The following CNTN1 variants were observed in gnomAD, a reference collection of about 807,000 sequenced individuals.
The protein encoded by CNTN1 is contactin 1.
In CNTN1, 38 loss-of-function variants were observed where a neutral mutation model predicts 126.4. The observed-to-expected ratio is 0.30, with a 90% CI of 0.23 to 0.39. CNTN1 has a LOEUF of 0.39. CNTN1 is among the 10% of genes least tolerant of loss of function. CNTN1 has a pLI of 1.00. For synonymous variants in CNTN1, 413 were observed against 422.6 expected (o/e 0.98, Z 0.28); for missense variants, 1,009 against 1,248.4 (o/e 0.81, Z 2.89).
At chr12:40,922,171 C>G (rs1945464017) in intron 4 of CNTN1, 85 bp from the exon 5 acceptor site, 2 of 1,186,270 alleles carry the variant, frequency 1.7e-6, no homozygotes, top group South Asian at 2.5e-5. Context: ...GGAGCCGTAC[C>G]CAAATTATTT....
intron 1 of CNTN1, among the ~76,000 whole-genome samples, chr12:40,793,463 G>A (rs912378934): frequency 4.3e-4 from 18 of 42,112 alleles, no homozygotes; most frequent in Non-Finnish European, 1.0e-3. Flanking sequence ...CCTACTTGTG[G>A]GGAAAAAAAA....
intron 23 of CNTN1, among the ~76,000 whole-genome samples, chr12:41,041,332 G>A (rs898856881): frequency 2.6e-5 from 4 of 152,126 alleles, no homozygotes; most frequent in African/African-American, 7.2e-5. Flanking sequence ...TTTTATTGAG[G>A]ATTTTTGCAT....
intron 1 of CNTN1, among the ~76,000 whole-genome samples, chr12:40,854,482 A>T (rs1942827421): frequency 6.6e-6 from 1 of 152,124 alleles, no homozygotes; most frequent in South Asian, 2.1e-4. Context: ...TAAAGATGTG[A>T]ATTACCTTAA....
chr12:40,807,853 T>C (rs1229841138), intron 1 of CNTN1, among the ~76,000 whole-genome samples: 1 of 152,224 alleles, frequency 6.6e-6, no homozygotes, highest in Non-Finnish European at 1.5e-5. Flanking sequence ...CATTTTCTTT[T>C]ATCTCTTAAT....
chr12:40,929,805 G>C lies in CNTN1; in HGVS notation c.506G>C (p.Ser169Thr). 6.2e-7 allele frequency: 1 copy of C among 1,611,286 alleles called. No individual in the cohort carries two copies. The highest frequency in any genetic ancestry group is 8.5e-7 in the Non-Finnish European group (1 of 1,178,168). ...CAATATTTTCTCCTAGATGATCTTA[G>C]CTATCGCTGGCTTCTAAATGAATTT... ...DPPYHFPDDL[S>T]YRWLLNEFPV... The change falls in exon 7 of 24, where the codon AGC becomes ACC. Residue 169 changes from serine (S) to threonine (T), a missense_variant. Physicochemically the swap from Ser to Thr is moderately conservative, Grantham distance 58 (BLOSUM62 1). Transcript: ENST00000551295.
chr12:40,881,300 T>C (rs1943862029), intron 1 of CNTN1, among the ~76,000 whole-genome samples: 1 of 151,866 alleles, frequency 6.6e-6, no homozygotes, highest in African/African-American at 2.4e-5. Context: ...GGCTATAAAT[T>C]GTGTGAATTT....
chr12:40,872,212 TTGTGTGTGTGTGTGTG>T (rs61187240), intron 1 of CNTN1, among the ~76,000 whole-genome samples: 82 of 113,600 alleles, frequency 7.2e-4, no homozygotes, highest in African/African-American at 1.8e-3. Flanking sequence ...GTTGCTTTGT[TTGTGTGTGTGTGTGTG>T]TGTGTGTGTG....
intron 1 of CNTN1, among the ~76,000 whole-genome samples, chr12:40,741,535 T>A (rs1350203710): frequency 6.6e-6 from 1 of 152,110 alleles, no homozygotes; most frequent in African/African-American, 2.4e-5. Context: ...ATTACAAGGC[T>A]ATTGGTGTAT....
chr12:40,733,598 T>G (rs1258386254), intron 1 of CNTN1, among the ~76,000 whole-genome samples: 1 of 152,014 alleles, frequency 6.6e-6, no homozygotes, highest in Non-Finnish European at 1.5e-5. Context: ...TGAGGAATTC[T>G]TTATTCCCAG....
intron 1 of CNTN1, among the ~76,000 whole-genome samples, chr12:40,816,717 C>G (rs780207115): frequency 1.4e-3 from 213 of 152,000 alleles, no homozygotes; most frequent in Non-Finnish European, 2.3e-3. Context: ...GCCTCTCTAG[C>G]TCTTTTAATT....
Position 40,949,447 on chromosome 12 carries a change from C to A in CNTN1, c.1683+5277C>A, listed in dbSNP as rs1946577238. ...CCCCTCCCCCCACCCCACAACAGTCCCCAGAGTGTGATATTCCCCTTCCTG... is the reference window on the plus strand; with the variant it reads ...CCCCTCCCCCCACCCCACAACAGTCACCAGAGTGTGATATTCCCCTTCCTG... On this transcript the variant is annotated intron_variant, in intron 14 of 23. Transcript: ENST00000551295. Among the ~76,000 whole-genome samples, 4 of 138,840 alleles carry A rather than the reference C, an allele frequency of 2.9e-5. No homozygotes were observed. In the South Asian group the frequency reaches 9.8e-4, roughly 34 times the overall value. The allele number at this position is 138,840 out of a possible 152,430, so 91.1% of individuals were successfully genotyped here.
intron 1 of CNTN1, among the ~76,000 whole-genome samples, chr12:40,896,977 G>A (rs1423160187): frequency 6.6e-6 from 1 of 152,202 alleles, no homozygotes; most frequent in Non-Finnish European, 1.5e-5. Flanking sequence ...GATGAAAATT[G>A]AGTTAATACT....
At chr12:40,782,768 T>C (rs906003837) in intron 1 of CNTN1, among the ~76,000 whole-genome samples, 5 of 152,014 alleles carry the variant, frequency 3.3e-5, no homozygotes, top group African/African-American at 7.2e-5. Context: ...GGCTGCATTT[T>C]ATAATATCAT....
At chr12:40,995,493 T>A (rs1948190547) in intron 17 of CNTN1, among the ~76,000 whole-genome samples, 1 of 151,946 alleles carries the variant, frequency 6.6e-6, no homozygotes, top group Admixed American at 6.6e-5. Context: ...AAGGAAAAAA[T>A]AATAGAGTAT....
At chr12:40,902,906 A>G (rs1290490410) in intron 1 of CNTN1, among the ~76,000 whole-genome samples, 3 of 152,248 alleles carry the variant, frequency 2.0e-5, no homozygotes, top group Non-Finnish European at 4.4e-5. Context: ...CAAATGAGAA[A>G]ACCCTAGTGT....
chr12:40,728,781 G>A (rs56260639), intron 1 of CNTN1: 2,283 of 152,176 alleles, frequency 0.015, 20 homozygotes, highest in Non-Finnish European at 0.025. Flanking sequence ...TCCTCTTTCC[G>A]GGTGAGTGCT....
intron 23 of CNTN1, among the ~76,000 whole-genome samples, chr12:41,052,717 CA>C (rs35978329): frequency 1.3e-5 from 2 of 151,682 alleles, no homozygotes; most frequent in South Asian, 4.2e-4. Context: ...ATTTAACTAG[CA>C]AAAAAAGTTC....
chr12:40,937,882 A>G (rs1002246445), intron 11 of CNTN1, among the ~76,000 whole-genome samples, 195 bp downstream of exon 11: 1 of 152,200 alleles, frequency 6.6e-6, no homozygotes, highest in African/African-American at 2.4e-5. Flanking sequence ...AATCTTTGCC[A>G]CAACAAAAGT....
intron 1 of CNTN1, among the ~76,000 whole-genome samples, chr12:40,903,251 T>C (rs1399686954): frequency 6.6e-6 from 1 of 152,142 alleles, no homozygotes; most frequent in East Asian, 1.9e-4. Flanking sequence ...GGCTGACACG[T>C]TCAGGGAGCT....
Sources: allele counts gnomAD v4.1 joint callset (sites outside exome capture counted in the v4.1 genomes callset), GRCh38; gene constraint gnomAD v4.1.1; transcripts MANE v1.5; gene names NCBI Gene and HGNC (gene_info 2026-07-23, HGNC 2026-07-21).